The following NAALADL2 variants were observed in gnomAD, a reference collection of about 807,000 sequenced individuals.
NAALADL2 encodes the protein inactive N-acetylated-alpha-linked acidic dipeptidase-like protein 2.
NAALADL2 carries 76 observed loss-of-function variants against 87.2 expected under a neutral mutation model. The observed-to-expected ratio is 0.87, with a 90% CI of 0.72 to 1.05. The LOEUF (loss-of-function observed/expected upper bound fraction) is 1.05, where lower values mean the gene tolerates loss of function less well. NAALADL2 is among the 50% of genes least tolerant of loss of function. NAALADL2 has a pLI of 0.00. For missense variants in NAALADL2, 1,089 were observed against 945.8 expected (o/e 1.15, Z -1.99); for synonymous variants, 354 against 331.0 (o/e 1.07, Z -0.75).
intron 2 of NAALADL2, among the ~76,000 whole-genome samples, chr3:175,102,738 C>T (rs752000521): frequency 1.3e-5 from 2 of 152,110 alleles, no homozygotes; most frequent in Non-Finnish European, 2.9e-5. Context: ...TTAATTTATA[C>T]TGTGAAATGA....
At chr3:175,636,198 T>TTGTGTGTG (rs3040732) in intron 11 of NAALADL2, among the ~76,000 whole-genome samples, 2 of 150,862 alleles carry the variant, frequency 1.3e-5, no homozygotes, top group African/African-American at 4.9e-5. Context: ...AAATCCTAAA[T>TTGTGTGTG]TGTGTGTGTG....
chr3:174,948,512 A>G (rs1241443704), intron 1 of NAALADL2, among the ~76,000 whole-genome samples: 1 of 152,162 alleles, frequency 6.6e-6, no homozygotes, highest in Non-Finnish European at 1.5e-5. Flanking sequence ...AATTTATCAG[A>G]TGTCACTAAA....
chr3:174,513,743 A>G (rs779928043), intron 1 of NAALADL2, among the ~76,000 whole-genome samples: 1 of 152,230 alleles, frequency 6.6e-6, no homozygotes, highest in Non-Finnish European at 1.5e-5. Flanking sequence ...CACAAAAGAC[A>G]TAAAAAATTA....
Position 175,260,405 on chromosome 3 carries a change from T to C in NAALADL2, c.939+3875T>C, listed in dbSNP as rs550728076. 2.0e-5 allele frequency among the ~76,000 whole-genome samples: 3 copies of C among 152,314 alleles called. No homozygotes were observed. The South Asian group carries it at 6.2e-4, about 32-fold the overall frequency. ...AGTCATCTCTTCTGTTTTCTGTGGA[T>C]TGTCCCAGAGATTTGGGGGAACTCA... is the stretch of plus-strand genomic sequence containing the variant. On this transcript the variant is annotated intron_variant, in intron 4 of 13. Transcript: ENST00000454872.
intron 3 of NAALADL2, among the ~76,000 whole-genome samples, chr3:174,820,556 A>G (rs1312563341): frequency 6.6e-6 from 1 of 152,154 alleles, no homozygotes; most frequent in African/African-American, 2.4e-5. Context: ...TTTGTTAACA[A>G]TCCTAAAAAT....
chr3:175,341,102 T>G (rs1179711901), intron 5 of NAALADL2, among the ~76,000 whole-genome samples: 1 of 152,010 alleles, frequency 6.6e-6, no homozygotes, highest in Admixed American at 6.6e-5. Flanking sequence ...TCATCACTAA[T>G]TCAACCTATT....
intron 1 of NAALADL2, among the ~76,000 whole-genome samples, chr3:174,871,582 G>A (rs1282734896): frequency 6.6e-6 from 1 of 152,126 alleles, no homozygotes; most frequent in African/African-American, 2.4e-5. Flanking sequence ...CTGAACACTA[G>A]AAACATACAT....
At chr3:175,716,142 A>G (rs1442969680) in intron 11 of NAALADL2, among the ~76,000 whole-genome samples, 1 of 146,650 alleles carries the variant, frequency 6.8e-6, no homozygotes, top group Non-Finnish European at 1.5e-5. Flanking sequence ...CATAAGGAAT[A>G]CATGTTATAT....
chr3:175,744,218 A>G (rs1328004751), intron 12 of NAALADL2, among the ~76,000 whole-genome samples: 2 of 152,210 alleles, frequency 1.3e-5, no homozygotes, highest in Admixed American at 6.5e-5. Flanking sequence ...AACAAAACAG[A>G]ACTGCAATGA....
intron 5 of NAALADL2, among the ~76,000 whole-genome samples, chr3:175,444,716 T>G (rs1449532660): frequency 6.6e-6 from 1 of 152,210 alleles, no homozygotes; most frequent in African/African-American, 2.4e-5. Context: ...TCCATGAATA[T>G]GAAAACTGTT....
intron 3 of NAALADL2, among the ~76,000 whole-genome samples, chr3:175,250,695 G>A (rs1316467220): frequency 1.3e-5 from 2 of 151,998 alleles, no homozygotes; most frequent in African/African-American, 4.8e-5. Context: ...CATATAAGTT[G>A]GACAGCTTCT....
At chr3:174,571,174 T>C (rs938309119) in intron 2 of NAALADL2, among the ~76,000 whole-genome samples, 2 of 152,098 alleles carry the variant, frequency 1.3e-5, no homozygotes, top group African/African-American at 2.4e-5. Flanking sequence ...GTGAAGTCTT[T>C]TGTACGTGGC....
intron 2 of NAALADL2, among the ~76,000 whole-genome samples, chr3:174,717,386 C>G (rs1323859595): frequency 6.6e-6 from 1 of 152,130 alleles, no homozygotes; most frequent in Non-Finnish European, 1.5e-5. Context: ...ATGCTGTGCA[C>G]TGCAAAATAG....
intron 11 of NAALADL2, among the ~76,000 whole-genome samples, chr3:175,646,314 C>T (rs1490443716): frequency 1.3e-5 from 2 of 151,940 alleles, no homozygotes; most frequent in African/African-American, 2.4e-5. Context: ...CATGTTCCTA[C>T]ATATTCAAAA....
chr3:174,935,617 TA>T (rs961072513), intron 1 of NAALADL2, among the ~76,000 whole-genome samples: 4 of 152,154 alleles, frequency 2.6e-5, no homozygotes, highest in Non-Finnish European at 1.5e-5. Flanking sequence ...GCTTGTGACT[TA>T]AAAACTTTTG....
chr3:174,829,202 T>A (rs533065543), intron 3 of NAALADL2, among the ~76,000 whole-genome samples: 5 of 151,792 alleles, frequency 3.3e-5, no homozygotes, highest in Non-Finnish European at 7.4e-5. Context: ...GCCATGCTGG[T>A]GCGCTGCACC....
At chr3:174,839,295 A>G (rs1197414679) in intron 3 of NAALADL2, among the ~76,000 whole-genome samples, 1 of 152,190 alleles carries the variant, frequency 6.6e-6, no homozygotes, top group African/African-American at 2.4e-5. Flanking sequence ...AGCCACACGT[A>G]GGAAAATGAA....
rs1406950726 is a variant in NAALADL2 at position 175,785,316 on chromosome 3, C to T, written c.2190-17689C>T. On this transcript the variant is annotated intron_variant, in intron 13 of 13. Transcript: ENST00000454872. Reference sequence around the variant, plus strand: ...GTTGACAGTGGGGTGTTAAAGTCTCCCATTATTAATGTGTGGGAGTCTAAG... The same window carrying T: ...GTTGACAGTGGGGTGTTAAAGTCTCTCATTATTAATGTGTGGGAGTCTAAG... 3.5e-3 allele frequency among the ~76,000 whole-genome samples: 514 copies of T among 148,936 alleles called. 1 individual carries two copies. Among genetic ancestry groups the T allele is most frequent in the African/African-American group, 0.013 (491 of 38,948 alleles).
intron 11 of NAALADL2, chr3:175,718,170 T>TGGAGGG: frequency 1.6e-6 from 2 of 1,212,258 alleles, no homozygotes; most frequent in Non-Finnish European, 1.1e-6. Flanking sequence ...TTAAATCGAA[T>TGGAGGG]GGAGGGGAAG....
Sources: gnomAD v4.1 joint callset for allele counts (sites outside exome capture counted in the v4.1 genomes callset) on GRCh38, gnomAD v4.1.1 for gene constraint, MANE v1.5 for transcripts, NCBI Gene and HGNC (gene_info 2026-07-23, HGNC 2026-07-21) for gene names.